Variants in TRABD2B observed in about 807,000 individuals in gnomAD.
The protein encoded by TRABD2B is metalloprotease TIKI2.
Under a neutral mutation model 40.1 loss-of-function variants are expected in TRABD2B, and 14 were observed. The ratio of observed to expected loss-of-function variants is 0.35; its 90% CI spans 0.23 to 0.55. The LOEUF is 0.55. Ranked by LOEUF, TRABD2B falls within the 20% of genes least tolerant of loss-of-function variation. TRABD2B has a pLI of 0.90. For missense variants in TRABD2B, 541 were observed against 648.6 expected, an observed-to-expected ratio of 0.83 and a Z score of 1.80; for synonymous variants, 263 against 277.0, an observed-to-expected ratio of 0.95 and a Z score of 0.50.
At chr1:47,969,398 A>G (rs775989651) in intron 2 of TRABD2B, among the ~76,000 whole-genome samples, 1 of 152,214 alleles carries the variant, frequency 6.6e-6, no homozygotes, top group Non-Finnish European at 1.5e-5. Flanking sequence ...CATGCCGTGC[A>G]GAGGGAGATG....
intron 2 of TRABD2B, among the ~76,000 whole-genome samples, chr1:47,817,798 A>G (rs1217665254): frequency 1.3e-5 from 2 of 152,060 alleles, no homozygotes; most frequent in Non-Finnish European, 2.9e-5. Flanking sequence ...CCCCAGCCAC[A>G]CCCAGACCGA....
chr1:47,964,039 T>C (rs535416290), intron 2 of TRABD2B, among the ~76,000 whole-genome samples: 1 of 152,332 alleles, frequency 6.6e-6, no homozygotes, highest in East Asian at 1.9e-4. Context: ...AAAGATAATT[T>C]GTTCTGGAGT....
intron 2 of TRABD2B, among the ~76,000 whole-genome samples, chr1:47,835,841 A>G (rs549950907): frequency 6.6e-6 from 1 of 152,236 alleles, no homozygotes; most frequent in Non-Finnish European, 1.5e-5. Context: ...GGGTACCAGT[A>G]AAGATAACTA....
At position 47,928,131 on chromosome 1, in the gene TRABD2B, A is replaced by G. The variant is rs548976344; in HGVS notation, c.666+65903T>C. ...TGGAACGTAACCCCTTCATGTTACC[A>G]GTGAAGAAGCTGAGACCCAGTAGAA... On this transcript the variant is annotated intron_variant, in intron 2 of 6. Transcript: ENST00000606738. Among the ~76,000 whole-genome samples the G allele has an allele frequency of 2.6e-4, 40 of 152,336 alleles. No individual in the cohort carries two copies. In the East Asian group the frequency reaches 7.1e-3, roughly 27 times the overall value.
At chr1:47,904,853 T>C (rs1556981) in intron 2 of TRABD2B, among the ~76,000 whole-genome samples, 113,783 of 152,144 alleles carry the variant, frequency 0.75, 43,514 homozygotes, top group Middle Eastern at 0.88. Flanking sequence ...CAAAATATAA[T>C]ATCCTCTGTG....
At chr1:47,947,932 G>C (rs1264604919) in intron 2 of TRABD2B, among the ~76,000 whole-genome samples, 1 of 152,148 alleles carries the variant, frequency 6.6e-6, no homozygotes, top group Non-Finnish European at 1.5e-5. Flanking sequence ...TCCTAGTCCA[G>C]TACTCCTTAA....
chr1:47,951,273 G>C (rs1040115550), intron 2 of TRABD2B, among the ~76,000 whole-genome samples: 2 of 152,226 alleles, frequency 1.3e-5, no homozygotes, highest in Non-Finnish European at 2.9e-5. Context: ...CCAACCAAGG[G>C]GCCAGGGCCA....
chr1:47,994,438 G>C lies in TRABD2B; in HGVS notation c.262C>G (p.Leu88Val). 6.5e-7 allele frequency: 1 copy of C among 1,536,168 alleles called. No individual in the cohort carries two copies. The highest frequency in any genetic ancestry group is 8.7e-7 in the Non-Finnish European group (1 of 1,146,918). The change falls in exon 2 of 7, where the codon CTT becomes GTT. Residue 88 changes from leucine (L) to valine (V), a missense_variant. Transcript: ENST00000606738. This position sits in a 1 kb window ranked among gnomAD's most constrained non-coding sequence, Gnocchi z 6.7. ...ASTRVYFELDLTDPYTISALA... is the reference protein window; with the variant it reads ...ASTRVYFELDVTDPYTISALA... Reference sequence around the variant, plus strand: ...GCCGAGATGGTGTAGGGGTCTGTAAGGTCCAGCTCAAAGTAGACACGGGTG... The same window carrying C: ...GCCGAGATGGTGTAGGGGTCTGTAACGTCCAGCTCAAAGTAGACACGGGTG...
intron 6 of TRABD2B, among the ~76,000 whole-genome samples, chr1:47,766,635 C>G (rs1040631182): frequency 3.3e-5 from 5 of 152,156 alleles, no homozygotes; most frequent in Admixed American, 6.5e-5. Context: ...TCATAACAAG[C>G]CTTCAAAATG....
intron 2 of TRABD2B, among the ~76,000 whole-genome samples, chr1:47,854,646 A>C (rs2124532931): frequency 6.6e-6 from 1 of 152,338 alleles, no homozygotes; most frequent in Admixed American, 6.5e-5. Context: ...CTGCTAGGGA[A>C]GTGACCTCGC....
rs576954476 is a variant in TRABD2B, at chr1:47,884,601, T to C, written c.667-82982A>G. ...TCTCCACACAGTAGCCAGGGTCATC[T>C]TTTTATTTATTTATTTTATTTTTAT... On this transcript the variant is annotated intron_variant, in intron 2 of 6. Transcript: ENST00000606738. 3.9e-5 allele frequency among the ~76,000 whole-genome samples: 6 copies of C among 152,190 alleles called. No individual in the cohort carries two copies. The East Asian group carries it at 9.7e-4, about 25-fold the overall frequency.
Position 47,794,614 on chromosome 1 carries a change from G to A in TRABD2B, c.960C>T (p.Asp320=). The change falls in exon 4 of 7, where the codon GAC becomes GAT. Residue 320 remains aspartate, a synonymous_variant. Transcript: ENST00000606738. ...CTCCGAAGGCAAAGAAGCAGATCTT[G>A]TCCTCGTTCTCCCGTAGAAGCGCCA... ...RVMALLRENE[D]KICFFAFGAG... 1 of 1,534,642 alleles carries A rather than the reference G, an allele frequency of 6.5e-7. No homozygotes were observed. The highest frequency in any genetic ancestry group is 8.7e-7 in the Non-Finnish European group (1 of 1,145,674).
intron 4 of TRABD2B, among the ~76,000 whole-genome samples, chr1:47,784,252 T>C (rs148192327): frequency 1.3e-5 from 2 of 152,304 alleles, no homozygotes; most frequent in African/African-American, 4.8e-5. Flanking sequence ...ACACCCACTC[T>C]GAAGTATTGG....
intron 2 of TRABD2B, among the ~76,000 whole-genome samples, chr1:47,861,490 A>C (rs1184724911): frequency 1.3e-5 from 2 of 152,198 alleles, no homozygotes; most frequent in African/African-American, 4.8e-5. Flanking sequence ...ATGGAAAATA[A>C]TAAGACACAA....
At chr1:47,950,772 A>G (rs1045059608) in intron 2 of TRABD2B, among the ~76,000 whole-genome samples, 4 of 152,150 alleles carry the variant, frequency 2.6e-5, no homozygotes, top group African/African-American at 9.7e-5. Flanking sequence ...TGTGTCCCCA[A>G]ATTTTCAGCC....
chr1:47,940,857 G>C (rs1285571018), intron 2 of TRABD2B, among the ~76,000 whole-genome samples: 1 of 152,206 alleles, frequency 6.6e-6, no homozygotes, highest in Non-Finnish European at 1.5e-5. Context: ...ATCCGGAGGG[G>C]AAAATGCCCA....
At chr1:47,916,117 G>T (rs538749313) in intron 2 of TRABD2B, among the ~76,000 whole-genome samples, 13 of 143,448 alleles carry the variant, frequency 9.1e-5, no homozygotes, top group African/African-American at 3.3e-4. Context: ...GTGGACAATG[G>T]CTGCTCGCCT....
At chr1:47,871,185 GT>G (rs1024327618) in intron 2 of TRABD2B, among the ~76,000 whole-genome samples, 4 of 152,114 alleles carry the variant, frequency 2.6e-5, no homozygotes, top group African/African-American at 9.7e-5. Context: ...TGCCCAAGTA[GT>G]AAGGGGCTGA....
At chr1:47,926,757 C>T (rs1644974593) in intron 2 of TRABD2B, among the ~76,000 whole-genome samples, 1 of 152,072 alleles carries the variant, frequency 6.6e-6, no homozygotes, top group African/African-American at 2.4e-5. Context: ...AGAGGAATTC[C>T]CTGGGGCATG....
Sources: gnomAD v4.1 joint callset for allele counts (sites outside exome capture counted in the v4.1 genomes callset) on GRCh38, gnomAD v4.1.1 for gene constraint, Gnocchi (gnomAD v3.1) non-coding constraint, MANE v1.5 for transcripts, NCBI Gene and HGNC (gene_info 2026-07-23, HGNC 2026-07-21) for gene names.